Variants in LRRIQ3 observed in about 807,000 individuals in gnomAD.
LRRIQ3 encodes the protein leucine rich repeats and IQ motif containing 3, also known as leucine-rich repeat and IQ domain-containing protein 3.
In LRRIQ3, 75 loss-of-function variants were observed where a neutral mutation model predicts 59.3. The ratio of observed to expected loss-of-function variants is 1.26; its 90% confidence interval spans 1.05 to 1.53. The LOEUF (loss-of-function observed/expected upper bound fraction) is 1.53. LRRIQ3 is among the 40% of genes most tolerant of loss of function. The probability of loss-of-function intolerance (pLI) is 0.00; values close to 1 mark genes in which losing one functional copy is unlikely to be tolerated. For synonymous variants in LRRIQ3, 250 were observed against 231.3 expected (o/e 1.08, Z -0.73); for missense variants, 831 against 710.0 (o/e 1.17, Z -1.94).
At chr1:74,138,496 A>G (rs1647166928) in intron 4 of LRRIQ3, 15 of 984,722 alleles carry the variant, frequency 1.5e-5, no homozygotes, top group African/African-American at 1.7e-5. Flanking sequence ...AGGCATGTCA[A>G]GTTGAATGTC....
At chr1:74,153,760 T>G (rs1037874270) in intron 4 of LRRIQ3, among the ~76,000 whole-genome samples, 1 of 151,646 alleles carries the variant, frequency 6.6e-6, no homozygotes, top group African/African-American at 2.4e-5. Flanking sequence ...AAAGAGGCAA[T>G]ATCCCAAACA....
chr1:74,056,519 G>T (rs1303925427), intron 6 of LRRIQ3, among the ~76,000 whole-genome samples: 1 of 152,026 alleles, frequency 6.6e-6, no homozygotes, highest in Non-Finnish European at 1.5e-5. Flanking sequence ...ATTCAGTAAA[G>T]TTGCAGACAC....
intron 6 of LRRIQ3, among the ~76,000 whole-genome samples, chr1:74,053,169 C>T (rs956199711): frequency 3.9e-5 from 5 of 128,680 alleles, no homozygotes; most frequent in Non-Finnish European, 8.3e-5. Context: ...AACCGGTCCT[C>T]CACATGCCAA....
chr1:74,126,984 G>C (rs940764434), intron 4 of LRRIQ3, among the ~76,000 whole-genome samples: 1 of 151,754 alleles, frequency 6.6e-6, no homozygotes, highest in African/African-American at 2.4e-5. Context: ...TTGTGGTCTA[G>C]CTCCCTCTTT....
intron 1 of LRRIQ3, 26 bp from the exon 2 acceptor site, chr1:74,183,710 A>ATT: frequency 2.1e-6 from 3 of 1,401,672 alleles, no homozygotes; most frequent in Non-Finnish European, 2.8e-6. Flanking sequence ...AAGTGCTTTG[A>ATT]TTTTTTTTTC....
At chr1:74,089,987 C>A (rs1306051911) in intron 5 of LRRIQ3, among the ~76,000 whole-genome samples, 2 of 151,892 alleles carry the variant, frequency 1.3e-5, no homozygotes, top group Non-Finnish European at 2.9e-5. Context: ...ATTTTTCAGG[C>A]AATTTAGGAT....
chr1:74,118,443 T>C (rs1436112991), intron 4 of LRRIQ3, among the ~76,000 whole-genome samples: 1 of 152,158 alleles, frequency 6.6e-6, no homozygotes, highest in Non-Finnish European at 1.5e-5. Context: ...TTTTATACTG[T>C]CTTTGTATCC....
At chr1:74,080,671 C>T (rs760606306) in intron 5 of LRRIQ3, among the ~76,000 whole-genome samples, 1 of 151,636 alleles carries the variant, frequency 6.6e-6, no homozygotes, top group Non-Finnish European at 1.5e-5. Context: ...GAGTGCTAAT[C>T]CAGATCTTAC....
intron 6 of LRRIQ3, among the ~76,000 whole-genome samples, chr1:74,044,476 G>C (rs1221052631): frequency 6.6e-6 from 1 of 151,954 alleles, no homozygotes; most frequent in Non-Finnish European, 1.5e-5. Flanking sequence ...ATAATATTAA[G>C]GGAAATTTAT....
chr1:74,045,034 T>G (rs543079010), intron 6 of LRRIQ3, among the ~76,000 whole-genome samples: 1 of 152,028 alleles, frequency 6.6e-6, no homozygotes, highest in Non-Finnish European at 1.5e-5. Context: ...CTAGAGGTAC[T>G]AAGAGGAGCT....
intron 6 of LRRIQ3, among the ~76,000 whole-genome samples, chr1:74,072,404 G>A (rs983689319): frequency 6.6e-6 from 1 of 151,894 alleles, no homozygotes; most frequent in African/African-American, 2.4e-5. Flanking sequence ...TGTGATTCTT[G>A]TTCTTATCAA....
At chr1:74,064,162 T>G (rs1012267000) in intron 6 of LRRIQ3, among the ~76,000 whole-genome samples, 2 of 151,856 alleles carry the variant, frequency 1.3e-5, no homozygotes, top group Non-Finnish European at 2.9e-5. Flanking sequence ...GTAATTATAC[T>G]GTATATATAT....
In LRRIQ3 at chr1:74,183,593, A is replaced by G; in HGVS notation, c.92T>C (p.Val31Ala). 6.2e-7 allele frequency: 1 copy of G among 1,612,134 alleles called. No individual in the cohort carries two copies. ...ENIREGQKDFVFVKFNGLHLK... is the reference protein window; with the variant it reads ...ENIREGQKDFAFVKFNGLHLK... ...ATGAAGGCCATTGAACTTCACAAAA[A>G]CAAAATCTTTTTGACCTTCTCTTAT... is the stretch of plus-strand genomic sequence containing the variant. Residue 31 changes from valine (V) to alanine (A), a missense_variant, in exon 2 of 8, where the codon GTT becomes GCT. Physicochemically the swap from Val to Ala is moderately conservative, Grantham distance 64 (BLOSUM62 0). Transcript: ENST00000354431.
intron 5 of LRRIQ3, among the ~76,000 whole-genome samples, chr1:74,087,381 C>CTTTTTTTTTTT (rs57068994): frequency 3.1e-4 from 18 of 59,008 alleles, no homozygotes; most frequent in African/African-American, 1.0e-3. Context: ...AAAATTTTAT[C>CTTTTTTTTTTT]TTTTTTTTTT....
intron 7 of LRRIQ3, among the ~76,000 whole-genome samples, chr1:74,032,058 G>A (rs1366384004): frequency 6.6e-6 from 1 of 151,664 alleles, no homozygotes. Context: ...TTCCCAAGTG[G>A]ATCTATGGAT....
intron 3 of LRRIQ3, among the ~76,000 whole-genome samples, chr1:74,165,728 T>C (rs1215827471): frequency 1.3e-5 from 2 of 151,646 alleles, no homozygotes; most frequent in Admixed American, 6.6e-5. Context: ...CTTGATGTTT[T>C]TCCTCAAGTT....
chr1:74,031,228 G>A (rs1312005963), intron 7 of LRRIQ3, among the ~76,000 whole-genome samples: 1 of 152,148 alleles, frequency 6.6e-6, no homozygotes, highest in Non-Finnish European at 1.5e-5. Flanking sequence ...TCTAGAACTA[G>A]AAATACCATT....
chr1:74,105,616 A>T (rs1169476070), intron 5 of LRRIQ3, among the ~76,000 whole-genome samples: 1 of 151,980 alleles, frequency 6.6e-6, no homozygotes, highest in African/African-American at 2.4e-5. Context: ...ATTATAATAG[A>T]TTTAAATACA....
chr1:74,160,305 C>T (rs919884295), intron 3 of LRRIQ3, among the ~76,000 whole-genome samples: 4 of 152,066 alleles, frequency 2.6e-5, no homozygotes, highest in African/African-American at 9.7e-5. Flanking sequence ...GCTTTCCACT[C>T]TGCCTCACAG....
Sources: gnomAD v4.1 joint callset for allele counts (sites outside exome capture counted in the v4.1 genomes callset) on GRCh38, gnomAD v4.1.1 for gene constraint, MANE v1.5 for transcripts, NCBI Gene and HGNC (gene_info 2026-07-23, HGNC 2026-07-21) for gene names.